CCSER1: variants seen among roughly 807,000 people sequenced by gnomAD.
The protein encoded by CCSER1 is serine-rich coiled-coil domain-containing protein 1.
In CCSER1, 41 loss-of-function variants were observed where a neutral mutation model predicts 82.0. The ratio of observed to expected loss-of-function variants is 0.50; its 90% CI spans 0.39 to 0.65. The LOEUF (loss-of-function observed/expected upper bound fraction) is 0.65, where lower values mean the gene tolerates loss of function less well. Ranked by LOEUF, CCSER1 falls within the 30% of genes least tolerant of loss-of-function variation. CCSER1 has a pLI of 0.00. For synonymous variants in CCSER1, 414 were observed against 383.9 expected (o/e 1.08, Z -0.92); for missense variants, 1,119 against 1,064.2 (o/e 1.05, Z -0.72).
chr4:90,563,476 C>T (rs1373208397), intron 5 of CCSER1, among the ~76,000 whole-genome samples: 1 of 152,104 alleles, frequency 6.6e-6, no homozygotes, highest in African/African-American at 2.4e-5. Context: ...CCCTTGATAA[C>T]CACCATTTCC....
chr4:90,957,966 A>C (rs1328285726), intron 9 of CCSER1, among the ~76,000 whole-genome samples: 1 of 152,062 alleles, frequency 6.6e-6, no homozygotes, highest in Non-Finnish European at 1.5e-5. Flanking sequence ...ATTGAAAAAA[A>C]TAGTGAATAA....
At chr4:90,640,980 C>G (rs1375511366) in intron 6 of CCSER1, among the ~76,000 whole-genome samples, 2 of 152,110 alleles carry the variant, frequency 1.3e-5, no homozygotes, top group Admixed American at 1.3e-4. Flanking sequence ...TTTCAGCTCT[C>G]ACAATTACTA....
chr4:91,482,430 A>G (rs1757985082), intron 10 of CCSER1, among the ~76,000 whole-genome samples: 1 of 144,932 alleles, frequency 6.9e-6, no homozygotes, highest in African/African-American at 2.5e-5. Context: ...AAAAAAAAAA[A>G]AAGTCAGGAA....
intron 10 of CCSER1, among the ~76,000 whole-genome samples, chr4:91,264,894 A>T (rs1741459183): frequency 6.6e-6 from 1 of 152,082 alleles, no homozygotes; most frequent in Non-Finnish European, 1.5e-5. Flanking sequence ...TATTATGAAG[A>T]TATTAAAATA....
chr4:91,520,938 C>T (rs1477450613), intron 10 of CCSER1, among the ~76,000 whole-genome samples: 1 of 151,910 alleles, frequency 6.6e-6, no homozygotes, highest in East Asian at 1.9e-4. Context: ...GCACAATGTG[C>T]AGGTTTGTTA....
intron 10 of CCSER1, among the ~76,000 whole-genome samples, chr4:91,402,047 C>A (rs1299680757): frequency 6.6e-6 from 1 of 152,202 alleles, no homozygotes. Context: ...TTCTCCACAT[C>A]CTCTCCAGCA....
chr4:91,461,306 A>G (rs79253130), intron 10 of CCSER1, among the ~76,000 whole-genome samples: 2,064 of 152,310 alleles, frequency 0.014, 32 homozygotes, highest in South Asian at 0.048. Context: ...GTATCTCATT[A>G]ATCTCCACAA....
At chr4:90,140,657 CTTTTTTTTTTTTTT>C (rs34194245) in intron 1 of CCSER1, among the ~76,000 whole-genome samples, 5 of 63,648 alleles carry the variant, frequency 7.9e-5, no homozygotes, top group East Asian at 6.3e-4. Context: ...TTTTGGTCTA[CTTTTTTTTTTTTTT>C]TTTTTTTTTT....
chr4:91,441,249 G>C (rs28858805), intron 10 of CCSER1, among the ~76,000 whole-genome samples: 2,501 of 151,932 alleles, frequency 0.016, 57 homozygotes, highest in African/African-American at 0.055. Flanking sequence ...GAATCCAGCA[G>C]CACATCAAAA....
intron 9 of CCSER1, among the ~76,000 whole-genome samples, chr4:91,015,139 A>C (rs1739318655): frequency 6.6e-6 from 1 of 152,134 alleles, no homozygotes. Flanking sequence ...TCATCTTACC[A>C]TTATGTAATG....
intron 9 of CCSER1, among the ~76,000 whole-genome samples, chr4:91,022,985 C>A (rs1005368276): frequency 7.9e-5 from 12 of 152,052 alleles, no homozygotes; most frequent in Admixed American, 5.9e-4. Flanking sequence ...ATGGTAGTTT[C>A]TTTTGCTGTG....
At chr4:90,414,403 A>C (rs1424230745) in intron 4 of CCSER1, among the ~76,000 whole-genome samples, 1 of 152,048 alleles carries the variant, frequency 6.6e-6, no homozygotes, top group Non-Finnish European at 1.5e-5. Flanking sequence ...CAGGATTATA[A>C]GTTTTTTACT....
intron 7 of CCSER1, among the ~76,000 whole-genome samples, chr4:90,774,855 T>C: frequency 6.6e-6 from 1 of 152,122 alleles, no homozygotes; most frequent in Non-Finnish European, 1.5e-5. Flanking sequence ...AGCTCATTAA[T>C]CTCATCTGTT....
At chr4:91,457,842 T>C (rs1002826834) in intron 10 of CCSER1, among the ~76,000 whole-genome samples, 2 of 152,168 alleles carry the variant, frequency 1.3e-5, no homozygotes, top group African/African-American at 2.4e-5. Flanking sequence ...TATTAAAGAA[T>C]GGTAACACAT....
At chr4:91,492,397 G>A (rs902072986) in intron 10 of CCSER1, among the ~76,000 whole-genome samples, 4 of 152,044 alleles carry the variant, frequency 2.6e-5, no homozygotes, top group African/African-American at 4.8e-5. Context: ...AACTACAATT[G>A]TATAAAGTGC....
chr4:90,563,509 T>A (rs1263872201), intron 5 of CCSER1, among the ~76,000 whole-genome samples: 1 of 152,178 alleles, frequency 6.6e-6, no homozygotes, highest in Admixed American at 6.5e-5. Context: ...ATGTCAGCAA[T>A]TTTTTTCTAT....
chr4:90,666,869 A>G (rs1213184897), intron 6 of CCSER1, among the ~76,000 whole-genome samples: 1 of 152,320 alleles, frequency 6.6e-6, no homozygotes, highest in East Asian at 1.9e-4. Context: ...AAAGAACATT[A>G]TGGGCATGGG....
intron 10 of CCSER1, among the ~76,000 whole-genome samples, chr4:91,428,505 A>G (rs1754118535): frequency 6.6e-6 from 1 of 152,040 alleles, no homozygotes; most frequent in Non-Finnish European, 1.5e-5. Flanking sequence ...AAATAAGACT[A>G]TGATCTTCAG....
At chr4:90,506,364 A>T (rs1281357885) in intron 5 of CCSER1, among the ~76,000 whole-genome samples, 1 of 152,184 alleles carries the variant, frequency 6.6e-6, no homozygotes, top group African/African-American at 2.4e-5. Context: ...TAAAATATGC[A>T]TATGTTTCTT....
Sources: allele counts gnomAD v4.1 joint callset (sites outside exome capture counted in the v4.1 genomes callset), GRCh38; gene constraint gnomAD v4.1.1; transcripts MANE v1.5; gene names NCBI Gene and HGNC (gene_info 2026-07-23, HGNC 2026-07-21).